MYH14: variants seen among roughly 807,000 people sequenced by gnomAD.
MYH14 encodes the protein myosin-14.
A neutral mutation model predicts 255.5 loss-of-function variants in MYH14; 123 were observed. The ratio of observed to expected loss-of-function variants is 0.48; its 90% CI spans 0.42 to 0.56. The LOEUF (loss-of-function observed/expected upper bound fraction) is 0.56. Among genes scored for constraint, MYH14 ranks in the 20% least tolerant of loss-of-function variants. MYH14 has a pLI of 0.00. For synonymous variants in MYH14, 1,095 were observed against 1,161.2 expected (o/e 0.94, Z 1.16); for missense variants, 2,423 against 2,802.3 (o/e 0.86, Z 3.06).
intron 39 of MYH14, among the ~76,000 whole-genome samples, chr19:50,301,141 C>T (rs16983040): frequency 0.017 from 2,533 of 152,280 alleles, 77 homozygotes; most frequent in South Asian, 0.063. Flanking sequence ...ACATTTTCCA[C>T]GTAGCAGCTA....
chr19:50,264,055 CAAAAAAAAA>C (rs34015428), intron 22 of MYH14, among the ~76,000 whole-genome samples: 2 of 33,394 alleles, frequency 6.0e-5, no homozygotes, highest in African/African-American at 2.7e-4. Context: ...AACTCTGTCT[CAAAAAAAAA>C]AAAAAAAAAA....
At chr19:50,273,288 CTCAAAA>C (rs1460022038) in intron 27 of MYH14, among the ~76,000 whole-genome samples, 12 of 64,606 alleles carry the variant, frequency 1.9e-4, no homozygotes, top group African/African-American at 7.1e-4. Flanking sequence ...AAGACTATGT[CTCAAAA>C]AAAAAAAAAA....
intron 10 of MYH14, 74 bp from the exon 11 acceptor site, chr19:50,244,168 C>T (rs2034000239): frequency 2.2e-5 from 29 of 1,329,182 alleles, no homozygotes; most frequent in Non-Finnish European, 3.0e-5. Context: ...TTTTAAGTTA[C>T]ATGTTTAAGG....
chr19:50,239,085 T>C (rs1464823099), intron 10 of MYH14, among the ~76,000 whole-genome samples: 4 of 152,208 alleles, frequency 2.6e-5, no homozygotes, highest in African/African-American at 9.6e-5. Context: ...AGTGGCGCGA[T>C]CTCAGCTCAC....
chr19:50,203,784 G>A (rs1190970181), intron 1 of MYH14, 113 bp downstream of exon 1: 2 of 152,382 alleles, frequency 1.3e-5, no homozygotes, highest in Admixed American at 1.3e-4. Flanking sequence ...GGCGGCCGGG[G>A]ACGGCGGGGA....
intron 1 of MYH14, among the ~76,000 whole-genome samples, chr19:50,209,173 A>G (rs563681144): frequency 2.0e-5 from 3 of 152,332 alleles, no homozygotes; most frequent in African/African-American, 7.2e-5. Flanking sequence ...AAAATAAAAT[A>G]GATTGAATTT....
chr19:50,308,221 T>G (rs1027486705), intron 41 of MYH14: 2 of 152,208 alleles, frequency 1.3e-5, no homozygotes, highest in African/African-American at 4.8e-5. Flanking sequence ...CCTTGAAGAA[T>G]AGAAATACGT....
At chr19:50,220,029 T>A (rs1440723520) in intron 3 of MYH14, among the ~76,000 whole-genome samples, 1 of 152,034 alleles carries the variant, frequency 6.6e-6, no homozygotes, top group Non-Finnish European at 1.5e-5. Flanking sequence ...AACAAGACCC[T>A]GTCTCTACAA....
At chr19:50,223,439 C>A in intron 5 of MYH14, 90 bp downstream of exon 5, 2 of 926,218 alleles carry the variant, frequency 2.2e-6, no homozygotes, top group Non-Finnish European at 3.5e-6. Flanking sequence ...CTCTTCCCCT[C>A]ATGGAGGTCC....
At chr19:50,237,681 C>T (rs111471859) in intron 10 of MYH14, among the ~76,000 whole-genome samples, 2,805 of 152,230 alleles carry the variant, frequency 0.018, 70 homozygotes, top group African/African-American at 0.054. Flanking sequence ...CACAGGGTGG[C>T]GCTAGTTTCC....
At position 50,259,259 on chromosome 19, in the gene MYH14, G is replaced by T; in HGVS notation, c.2348G>T (p.Arg783Leu). ...FPNRILFQEF[R>L]QRYEILTPNA... ...AACCGCATCCTCTTCCAGGAGTTCC[G>T]GCAGCGGTGAGCTAGAGCGAGGGCC... Residue 783 changes from arginine (R) to leucine (L), a missense_variant, in exon 19 of 43, where the codon CGG (arginine) becomes CTG (leucine). Physicochemically the swap from Arg to Leu is moderately radical, Grantham distance 102. Transcript: ENST00000642316. The T allele has an allele frequency of 1.3e-6, 2 of 1,578,442 alleles. No homozygotes were observed. The highest frequency in any genetic ancestry group is 2.3e-5 in the East Asian group (1 of 43,240).
Position 50,210,415 on chromosome 19 carries a change from C to T in MYH14, c.50C>T (p.Pro17Leu), listed in dbSNP as rs761650712. The change falls in exon 2 of 43, where the codon CCG (proline) becomes CTG (leucine). Residue 17 changes from proline to leucine, a missense_variant. By Grantham distance (98) the Pro-to-Leu change is moderately conservative. Transcript: ENST00000642316. Reference sequence around the variant, plus strand: ...CCCGGGCGGAAGGCGCCCCCCAGGCCGGGCCCAGTGCCCGAGGCGGCCCAG... The same window carrying T: ...CCCGGGCGGAAGGCGCCCCCCAGGCTGGGCCCAGTGCCCGAGGCGGCCCAG... ...SVPGRKAPPR[P>L]GPVPEAAQPF... 6 of 1,568,624 alleles carry T rather than the reference C, an allele frequency of 3.8e-6. No homozygotes were observed. The highest frequency in any genetic ancestry group is 3.5e-5 in the South Asian group (3 of 85,704).
intron 26 of MYH14, among the ~76,000 whole-genome samples, chr19:50,272,327 T>G (rs2035332716): frequency 3.4e-5 from 5 of 148,622 alleles, no homozygotes; most frequent in African/African-American, 7.4e-5. Flanking sequence ...GCAGAGAGAG[T>G]CAGAGGGTGG....
intron 41 of MYH14, chr19:50,308,297 C>T (rs1222896005): frequency 6.6e-6 from 1 of 152,200 alleles, no homozygotes; most frequent in Non-Finnish European, 1.5e-5. Flanking sequence ...TATTTTAGTC[C>T]TGGTCTAGCT....
chr19:50,212,114 A>G (rs886411161), intron 2 of MYH14, among the ~76,000 whole-genome samples: 1 of 152,228 alleles, frequency 6.6e-6, no homozygotes, highest in Admixed American at 6.5e-5. Context: ...TCTTTACAGC[A>G]AACGGATGGG....
At position 50,286,691 on chromosome 19, in the gene MYH14, G is replaced by A. The variant is rs1234050941; in HGVS notation, c.4749G>A (p.Lys1583=). 6.4e-7 allele frequency: 1 copy of A among 1,568,974 alleles called. No individual in the cohort carries two copies. The highest frequency in any genetic ancestry group is 8.6e-7 in the Non-Finnish European group (1 of 1,158,484). The change falls in exon 34 of 43, where the codon AAG becomes AAA. Residue 1583 remains lysine (K), a synonymous_variant. Transcript: ENST00000642316. Reference sequence around the variant, plus strand: ...TGAGCAGCAAGGATGACGTCGGCAAGAGCGTGAGCAGGGCCCCCGCTCCCC... The same window carrying A: ...TGAGCAGCAAGGATGACGTCGGCAAAAGCGTGAGCAGGGCCCCCGCTCCCC... ...ALLSSKDDVG[K]SVHELERACR... is the part of the protein sequence containing the mutation.
Position 50,222,475 on chromosome 19 carries a change from G to A in MYH14, c.563-608G>A, listed in dbSNP as rs1258812080. ...AGCCTGGGCGACAGAGCAAGACTCC[G>A]TCTCAAAAAAAAAAAAAAAAAAAAA... On this transcript the variant is annotated intron_variant, in intron 3 of 42. Coordinates refer to ENST00000642316, the MANE Select transcript of MYH14 (RefSeq NM_001145809.2). 1.1e-4 allele frequency among the ~76,000 whole-genome samples: 11 copies of A among 101,912 alleles called. No individual in the cohort carries two copies. The East Asian group carries it at 1.7e-3, about 16-fold the overall frequency. 66.9% of individuals were successfully genotyped at this position (101,912 alleles called of 152,430 possible).
intron 12 of MYH14, 39 bp downstream of exon 12, chr19:50,247,161 G>T: frequency 2.1e-6 from 3 of 1,449,514 alleles, no homozygotes; most frequent in Non-Finnish European, 2.9e-6. Flanking sequence ...AGAAAGAGCC[G>T]CGCACCCCGG....
chr19:50,246,121 TTCCTTCCTTCCC>T (rs1300389562), intron 11 of MYH14, among the ~76,000 whole-genome samples: 2 of 119,210 alleles, frequency 1.7e-5, no homozygotes, highest in Non-Finnish European at 3.4e-5. Flanking sequence ...TCTTCCTTCC[TTCCTTCCTTCCC>T]TCCTTCCTTC....
Sources: gnomAD v4.1 joint callset for allele counts (sites outside exome capture counted in the v4.1 genomes callset) on GRCh38, gnomAD v4.1.1 for gene constraint, MANE v1.5 for transcripts, NCBI Gene and HGNC (gene_info 2026-07-23, HGNC 2026-07-21) for gene names.